Variants in PTPRD observed in about 807,000 individuals in gnomAD.
The protein encoded by PTPRD is receptor-type tyrosine-protein phosphatase delta.
PTPRD carries 34 observed loss-of-function variants against 214.5 expected under a neutral mutation model. The ratio of observed to expected loss-of-function variants is 0.16; its 90% CI spans 0.12 to 0.21. The LOEUF (loss-of-function observed/expected upper bound fraction) is 0.21, where lower values mean the gene tolerates loss of function less well. Ranked by LOEUF, PTPRD falls within the 10% of genes least tolerant of loss-of-function variation. PTPRD has a pLI of 1.00. For synonymous variants in PTPRD, 1,128 were observed against 845.7 expected (o/e 1.33, Z -5.79); for missense variants, 2,545 against 2,398.7 (o/e 1.06, Z -1.27).
At chr9:8,651,145 T>A (rs902638402) in intron 12 of PTPRD, among the ~76,000 whole-genome samples, 2 of 152,230 alleles carry the variant, frequency 1.3e-5, no homozygotes, top group African/African-American at 4.8e-5. Context: ...AGAGAAAGAA[T>A]CTATATTCAT....
chr9:8,748,060 C>T (rs560735137), intron 11 of PTPRD, among the ~76,000 whole-genome samples: 28 of 152,258 alleles, frequency 1.8e-4, no homozygotes, highest in Admixed American at 1.6e-3. Context: ...CCGATGTTAA[C>T]GACATTGAAG....
chr9:8,901,583 G>A (rs2098669142), intron 11 of PTPRD, among the ~76,000 whole-genome samples: 1 of 152,182 alleles, frequency 6.6e-6, no homozygotes, highest in African/African-American at 2.4e-5. Context: ...GCTCTCAGCA[G>A]TAAAGTAGTG....
At chr9:8,415,754 G>A (rs930822858) in intron 35 of PTPRD, among the ~76,000 whole-genome samples, 1 of 152,084 alleles carries the variant, frequency 6.6e-6, no homozygotes, top group Non-Finnish European at 1.5e-5. Context: ...GAGGGCCAGG[G>A]AGGACGATGA....
chr9:8,833,790 A>T (rs199497464), intron 11 of PTPRD, among the ~76,000 whole-genome samples: 1 of 139,772 alleles, frequency 7.2e-6, no homozygotes, highest in Non-Finnish European at 1.6e-5. Context: ...AATAACTGTT[A>T]AAATTTAGGC....
rs567949280 is a variant in PTPRD, at chr9:9,080,410, G to A, written c.-142-61675C>T. On this transcript the variant is annotated intron_variant, in intron 10 of 45. Transcript: ENST00000381196. ...GAATACTGATTTTATAATAAAAGTC[G>A]CTTGCTACTACTATGTGCCACATAT... Among the ~76,000 whole-genome samples, 11 of 152,198 alleles carry A rather than the reference G, an allele frequency of 7.2e-5. No homozygotes were observed. The South Asian group carries it at 1.0e-3, about 14-fold the overall frequency.
intron 14 of PTPRD, among the ~76,000 whole-genome samples, chr9:8,562,625 C>A (rs373500318): frequency 6.6e-6 from 1 of 151,850 alleles, no homozygotes; most frequent in East Asian, 1.9e-4. Context: ...TTTGTAGATA[C>A]GGGGTTTCAC....
Position 10,294,247 on chromosome 9 carries a change from A to C in PTPRD, c.-545+46716T>G, listed in dbSNP as rs2095611024. On this transcript the variant is annotated intron_variant, in intron 3 of 45. Transcript: ENST00000381196. ...TACCAGCCAGGCTAAACCTCAAATGAGTTGATAATGTTCAGTGGTTCTGAG... is the reference window on the plus strand; with the variant it reads ...TACCAGCCAGGCTAAACCTCAAATGCGTTGATAATGTTCAGTGGTTCTGAG... Among the ~76,000 whole-genome samples the C allele has an allele frequency of 3.9e-5, 6 of 151,954 alleles. No individual in the cohort carries two copies. The South Asian group carries it at 1.0e-3, about 26-fold the overall frequency.
intron 9 of PTPRD, among the ~76,000 whole-genome samples, chr9:9,273,877 C>T (rs75869285): frequency 0.019 from 2,859 of 151,294 alleles, 87 homozygotes; most frequent in African/African-American, 0.064. Context: ...CAAGAACATT[C>T]GCCAAACCTT....
chr9:9,621,481 C>T (rs2095235848), intron 7 of PTPRD, among the ~76,000 whole-genome samples: 1 of 152,132 alleles, frequency 6.6e-6, no homozygotes, highest in Admixed American at 6.5e-5. Flanking sequence ...TGGAGTCAGA[C>T]TCTGGAATAA....
intron 7 of PTPRD, among the ~76,000 whole-genome samples, chr9:9,608,569 G>A (rs1177238066): frequency 6.6e-6 from 1 of 152,180 alleles, no homozygotes; most frequent in African/African-American, 2.4e-5. Context: ...CAACTATTTA[G>A]TGAATAGAAG....
chr9:10,236,888 A>T (rs545557166), intron 3 of PTPRD, among the ~76,000 whole-genome samples: 23 of 152,086 alleles, frequency 1.5e-4, no homozygotes, highest in African/African-American at 5.5e-4. Flanking sequence ...CCTGTAAAAA[A>T]TACTTACACC....
intron 8 of PTPRD, among the ~76,000 whole-genome samples, chr9:9,512,625 C>G (rs1026451726): frequency 1.3e-5 from 2 of 151,724 alleles, no homozygotes; most frequent in African/African-American, 2.4e-5. Flanking sequence ...CAATAAAAAT[C>G]ATGGCATCTT....
chr9:9,275,199 T>TATATATATGTTATATATA (rs1491465404), intron 9 of PTPRD, among the ~76,000 whole-genome samples: 2 of 10,394 alleles, frequency 1.9e-4, no homozygotes, highest in African/African-American at 4.9e-4. Context: ...TATATATATA[T>TATATATATGTTATATATA]TATATATATA....
chr9:9,742,860 A>G (rs2098418260), intron 6 of PTPRD, among the ~76,000 whole-genome samples: 1 of 152,094 alleles, frequency 6.6e-6, no homozygotes, highest in Non-Finnish European at 1.5e-5. Context: ...CTAAAATCTC[A>G]AGGTTTTGCT....
At chr9:10,234,098 C>T (rs2099621245) in intron 3 of PTPRD, among the ~76,000 whole-genome samples, 1 of 151,522 alleles carries the variant, frequency 6.6e-6, no homozygotes, top group South Asian at 2.1e-4. Flanking sequence ...ACTAATAATA[C>T]AAAAAATTAG....
intron 12 of PTPRD, among the ~76,000 whole-genome samples, chr9:8,694,298 A>G (rs1249845992): frequency 6.6e-6 from 1 of 150,848 alleles, no homozygotes; most frequent in Non-Finnish European, 1.5e-5. Flanking sequence ...AAAAGTTGTA[A>G]TTTTTTTTTT....
intron 12 of PTPRD, among the ~76,000 whole-genome samples, chr9:8,651,868 G>C (rs2096818445): frequency 6.6e-6 from 1 of 152,098 alleles, no homozygotes; most frequent in Admixed American, 6.5e-5. Flanking sequence ...ATAGACACAA[G>C]GTAACACTAC....
At chr9:9,772,854 G>C (rs60384790) in intron 5 of PTPRD, among the ~76,000 whole-genome samples, 1 of 152,070 alleles carries the variant, frequency 6.6e-6, no homozygotes, top group Non-Finnish European at 1.5e-5. Flanking sequence ...CTTTTACTCA[G>C]TTATTTCACT....
intron 14 of PTPRD, among the ~76,000 whole-genome samples, chr9:8,591,379 C>T (rs1418305372): frequency 6.6e-6 from 1 of 152,156 alleles, no homozygotes; most frequent in Non-Finnish European, 1.5e-5. Flanking sequence ...ATGGTGAAAA[C>T]TTCAAAGGAA....
Sources: allele counts gnomAD v4.1 joint callset (sites outside exome capture counted in the v4.1 genomes callset), GRCh38; gene constraint gnomAD v4.1.1; transcripts MANE v1.5; gene names NCBI Gene and HGNC (gene_info 2026-07-23, HGNC 2026-07-21).